Variants in WDR27 observed in about 807,000 individuals in gnomAD.
WDR27 encodes WD repeat domain 27.
WDR27 carries 100 observed loss-of-function variants against 114.4 expected under a neutral mutation model. That is an observed-to-expected ratio of 0.87 (90% confidence interval 0.74 to 1.03). The LOEUF (loss-of-function observed/expected upper bound fraction) is 1.03. WDR27 is among the 50% of genes least tolerant of loss of function. WDR27 has a pLI of 0.00. For synonymous variants in WDR27, 449 were observed against 423.1 expected (o/e 1.06, Z -0.75); for missense variants, 1,129 against 1,092.9 (o/e 1.03, Z -0.47).
chr6:169,426,971 A>AGGGGG, the WDR27 span: 2 of 136,798 alleles, frequency 1.5e-5, no homozygotes, highest in African/African-American at 2.8e-5. Context: ...TGGTGGGGGC[A>AGGGGG]GTGGGGGGGG....
chr6:169,561,081 A>G (rs946688573), intron 25 of WDR27, among the ~76,000 whole-genome samples: 2 of 152,210 alleles, frequency 1.3e-5, no homozygotes, highest in Admixed American at 1.3e-4. Flanking sequence ...CAAAAATGCC[A>G]TAAACTGGGT....
chr6:169,577,383 G>T (rs1802563180), intron 24 of WDR27, among the ~76,000 whole-genome samples: 1 of 152,230 alleles, frequency 6.6e-6, no homozygotes, highest in South Asian at 2.1e-4. Flanking sequence ...CGAACGGGCG[G>T]CCACAGATTC....
intron 25 of WDR27, among the ~76,000 whole-genome samples, chr6:169,466,115 C>G (rs1328614203): frequency 1.3e-5 from 2 of 152,062 alleles, no homozygotes; most frequent in Non-Finnish European, 2.9e-5. Context: ...CGAGAGGAGC[C>G]CAGAACATGG....
chr6:169,475,096 T>C (rs1225966890), intron 25 of WDR27, among the ~76,000 whole-genome samples: 1 of 152,260 alleles, frequency 6.6e-6, no homozygotes, highest in East Asian at 1.9e-4. Context: ...TGTCCTTCAT[T>C]GAAAATAATT....
chr6:169,593,091 A>AT (rs1806075418), intron 23 of WDR27, among the ~76,000 whole-genome samples: 1 of 152,222 alleles, frequency 6.6e-6, no homozygotes. Flanking sequence ...TAAATGAAAT[A>AT]TAACTCCTTT....
chr6:169,476,105 A>G (rs1787114386), intron 25 of WDR27, among the ~76,000 whole-genome samples: 1 of 152,238 alleles, frequency 6.6e-6, no homozygotes, highest in African/African-American at 2.4e-5. Context: ...CATGTCTGAC[A>G]TAATGTAAAA....
the WDR27 span, among the ~76,000 whole-genome samples, chr6:169,444,405 C>T: frequency 1.3e-5 from 2 of 152,214 alleles, no homozygotes; most frequent in East Asian, 3.9e-4. Context: ...CATACAGCCC[C>T]GTGTCGGATG....
rs752571948 is a variant in WDR27, at chr6:169,634,543, G to T, written c.2004-18C>A. On this transcript the variant is annotated intron_variant, in intron 19 of 25. Coordinates refer to ENST00000448612, the MANE Select transcript of WDR27 (RefSeq NM_182552.5). ...GTTTATATCTGGAAGAGAAAATCAA[G>T]ATGATCAATATTTTTGCTTTCCTTC... is the stretch of plus-strand genomic sequence containing the variant. 1 of 1,575,258 alleles carries T rather than the reference G, an allele frequency of 6.3e-7. No individual in the cohort carries two copies. The highest frequency in any genetic ancestry group is 8.7e-7 in the Non-Finnish European group (1 of 1,153,658).
chr6:169,560,868 A>G (rs188997354), intron 25 of WDR27, among the ~76,000 whole-genome samples: 1 of 152,342 alleles, frequency 6.6e-6, no homozygotes, highest in East Asian at 1.9e-4. Context: ...AGGGACAGAA[A>G]GATCGTATAA....
intron 16 of WDR27, among the ~76,000 whole-genome samples, chr6:169,645,549 T>G (rs1820466456): frequency 6.6e-6 from 1 of 151,308 alleles, no homozygotes; most frequent in South Asian, 2.1e-4. Flanking sequence ...CGAGTCACAC[T>G]GTAGAAATTC....
rs151331429 is a variant in WDR27, at chr6:169,646,069, T to C, written c.1657+1704A>G. On this transcript the variant is annotated intron_variant, in intron 16 of 25. Coordinates refer to ENST00000448612, the MANE Select transcript of WDR27 (RefSeq NM_182552.5). Reference sequence around the variant, plus strand: ...AAAAGCCTAGTTCACAGAAGTCACATTGACCACAGGCAAGAGTAGAACTTC... The same window carrying C: ...AAAAGCCTAGTTCACAGAAGTCACACTGACCACAGGCAAGAGTAGAACTTC... Among the ~76,000 whole-genome samples, 5 of 152,350 alleles carry C rather than the reference T, an allele frequency of 3.3e-5. No individual in the cohort carries two copies. In the East Asian group the frequency reaches 7.7e-4, roughly 24 times the overall value.
intron 6 of WDR27, chr6:169,666,754 G>T: frequency 1.0e-6 from 1 of 995,542 alleles, no homozygotes; most frequent in Non-Finnish European, 1.2e-6. Flanking sequence ...TGTGGCGCAC[G>T]CCCAAGCTCA....
intron 16 of WDR27, among the ~76,000 whole-genome samples, chr6:169,644,097 C>T (rs9383510): frequency 2.8e-4 from 22 of 78,174 alleles, no homozygotes; most frequent in African/African-American, 1.1e-3. Flanking sequence ...GTCACACTGT[C>T]GAAAAGCCTA....
chr6:169,567,384 T>C (rs898702210), intron 25 of WDR27, among the ~76,000 whole-genome samples: 1 of 151,994 alleles, frequency 6.6e-6, no homozygotes, highest in African/African-American at 2.4e-5. Context: ...AGTTTAGGAG[T>C]ATCACTTTCT....
At chr6:169,529,937 C>A (rs1795390749) in intron 25 of WDR27, among the ~76,000 whole-genome samples, 1 of 152,128 alleles carries the variant, frequency 6.6e-6, no homozygotes, top group Non-Finnish European at 1.5e-5. Flanking sequence ...TAATAGGAAT[C>A]CTATGTGTTG....
intron 23 of WDR27, among the ~76,000 whole-genome samples, chr6:169,594,824 C>T (rs1356115303): frequency 6.6e-6 from 1 of 152,204 alleles, no homozygotes; most frequent in Non-Finnish European, 1.5e-5. Context: ...AGCATGGACT[C>T]AGATTTTTTT....
chr6:169,615,686 T>C (rs1336312919), intron 21 of WDR27, among the ~76,000 whole-genome samples: 1 of 152,106 alleles, frequency 6.6e-6, no homozygotes, highest in Non-Finnish European at 1.5e-5. Context: ...CCGTGGAAGA[T>C]AACCTAGGCA....
the WDR27 span, among the ~76,000 whole-genome samples, chr6:169,439,651 T>A: frequency 9.7e-6 from 1 of 102,714 alleles, no homozygotes; most frequent in Non-Finnish European, 1.8e-5. Context: ...GTTATTCATT[T>A]AAATATTTTG....
intron 17 of WDR27, among the ~76,000 whole-genome samples, chr6:169,642,307 C>T (rs1584827892): frequency 6.6e-6 from 1 of 151,832 alleles, no homozygotes; most frequent in African/African-American, 2.4e-5. Flanking sequence ...GCCCTTCCCC[C>T]CCGCCCACAG....
Sources: gnomAD v4.1 joint callset for allele counts (sites outside exome capture counted in the v4.1 genomes callset) on GRCh38, gnomAD v4.1.1 for gene constraint, MANE v1.5 for transcripts, NCBI Gene and HGNC (gene_info 2026-07-23, HGNC 2026-07-21) for gene names.